Variants in SNX29 observed in about 807,000 individuals in gnomAD.
The protein encoded by SNX29 is sorting nexin-29.
In SNX29, 78 loss-of-function variants were observed where a neutral mutation model predicts 102.1. That is an observed-to-expected ratio of 0.76 (90% CI 0.64 to 0.92). SNX29 has a LOEUF of 0.92. SNX29 is among the 40% of genes least tolerant of loss of function. The pLI is 0.00. For missense variants in SNX29, 1,280 were observed against 1,061.7 expected (o/e 1.21, Z -2.86); for synonymous variants, 580 against 414.5 (o/e 1.40, Z -4.85).
intron 14 of SNX29, among the ~76,000 whole-genome samples, chr16:12,255,310 C>T (rs972867879): frequency 1.3e-5 from 2 of 152,134 alleles, no homozygotes; most frequent in Non-Finnish European, 2.9e-5. Context: ...ATTCTCCTGC[C>T]TCAGCCTCCC....
At chr16:12,187,027 G>A (rs954476102) in intron 13 of SNX29, among the ~76,000 whole-genome samples, 1 of 152,198 alleles carries the variant, frequency 6.6e-6, no homozygotes, top group African/African-American at 2.4e-5. Context: ...GTCAATCACT[G>A]GTTAAAGACC....
chr16:12,214,350 A>G lies in SNX29; in HGVS notation c.1678+14667A>G, dbSNP rs144050079. On this transcript the variant is annotated intron_variant, in intron 14 of 20. Transcript: ENST00000566228. Reference sequence around the variant, plus strand: ...GTCATTAACTTTTTGGGGCTGTCTCAGCATTGTGTTTATTGGTGTAGTTTG... The same window carrying G: ...GTCATTAACTTTTTGGGGCTGTCTCGGCATTGTGTTTATTGGTGTAGTTTG... 5.9e-5 allele frequency among the ~76,000 whole-genome samples: 9 copies of G among 152,316 alleles called. No individual in the cohort carries two copies. The East Asian group carries it at 9.6e-4, about 16-fold the overall frequency.
Position 12,568,892 on chromosome 16 carries a change from CTGCAAGGG to C in SNX29, c.*264_*271del. 2.0e-6 allele frequency: 1 copy of C among 511,650 alleles called. No individual in the cohort carries two copies. Among genetic ancestry groups the C allele is most frequent in the Non-Finnish European group, 3.4e-6 (1 of 294,874 alleles). The allele number at this position is 511,650 out of a possible 1,614,324, so 31.7% of individuals were successfully genotyped here. ...TTCTGCTTCTGGGGTCTACCCTGGG[CTGCAAGGG>C]CTGTTCCTCCACCTTTCTGTAGTTC... On this transcript the variant is annotated 3_prime_UTR_variant, in exon 21 of 21. Transcript: ENST00000566228.
At chr16:12,182,957 A>AG (rs1429363822) in intron 13 of SNX29, among the ~76,000 whole-genome samples, 2 of 149,990 alleles carry the variant, frequency 1.3e-5, no homozygotes, top group East Asian at 3.9e-4. Context: ...AAAAAAAAAA[A>AG]GGACATCATG....
At chr16:12,545,059 C>T (rs987738137) in intron 20 of SNX29, among the ~76,000 whole-genome samples, 2 of 152,166 alleles carry the variant, frequency 1.3e-5, no homozygotes, top group Non-Finnish European at 2.9e-5. Context: ...GCTCCTGTAG[C>T]ATAGCCACGA....
intron 4 of SNX29, among the ~76,000 whole-genome samples, chr16:12,029,197 A>C (rs891407548): frequency 6.6e-6 from 1 of 151,368 alleles, no homozygotes; most frequent in African/African-American, 2.4e-5. Flanking sequence ...TTATTTCACC[A>C]GTTACTCATT....
intron 15 of SNX29, among the ~76,000 whole-genome samples, chr16:12,279,180 T>G (rs2079351278): frequency 6.6e-6 from 1 of 152,118 alleles, no homozygotes; most frequent in African/African-American, 2.4e-5. Context: ...TCTTCTACAG[T>G]GAGTTTTATT....
chr16:12,233,112 T>C (rs2077819716), intron 14 of SNX29, among the ~76,000 whole-genome samples: 1 of 151,896 alleles, frequency 6.6e-6, no homozygotes, highest in African/African-American at 2.4e-5. Context: ...TGTCTTTGTC[T>C]TCCTCCTCCT....
At chr16:12,488,923 G>A (rs2088393660) in intron 19 of SNX29, among the ~76,000 whole-genome samples, 4 of 152,132 alleles carry the variant, frequency 2.6e-5, no homozygotes, top group Admixed American at 2.6e-4. Flanking sequence ...CATTGGTTTT[G>A]TGATTGAATG....
intron 19 of SNX29, among the ~76,000 whole-genome samples, chr16:12,486,574 G>A (rs1426553210): frequency 1.3e-5 from 2 of 152,250 alleles, no homozygotes; most frequent in Non-Finnish European, 2.9e-5. Flanking sequence ...GGCCCAGGCA[G>A]GTGATCTGCC....
At chr16:12,397,947 T>C (rs184245848) in intron 16 of SNX29, among the ~76,000 whole-genome samples, 57 of 152,278 alleles carry the variant, frequency 3.7e-4, no homozygotes, top group African/African-American at 1.3e-3. Context: ...ATGTGGCCCT[T>C]CTGAGTCAGG....
At chr16:12,557,269 G>A (rs900789694) in intron 20 of SNX29, 1 of 152,308 alleles carries the variant, frequency 6.6e-6, no homozygotes, top group South Asian at 2.1e-4. Flanking sequence ...TAAGTGGGGA[G>A]TGCAGGCAGA....
At chr16:12,564,687 G>A (rs886280358) in intron 20 of SNX29, among the ~76,000 whole-genome samples, 26 of 152,142 alleles carry the variant, frequency 1.7e-4, no homozygotes, top group African/African-American at 6.0e-4. Flanking sequence ...TTCCTCTGTT[G>A]CTTAGGCCCC....
chr16:12,144,368 GT>G (rs1234529763), intron 13 of SNX29, among the ~76,000 whole-genome samples: 1 of 152,176 alleles, frequency 6.6e-6, no homozygotes, highest in Non-Finnish European at 1.5e-5. Context: ...CAACATGTAG[GT>G]TTGTGCTATG....
intron 20 of SNX29, among the ~76,000 whole-genome samples, chr16:12,525,426 A>T (rs2076752801): frequency 6.6e-6 from 1 of 152,136 alleles, no homozygotes; most frequent in South Asian, 2.1e-4. Context: ...TAATCCCAGC[A>T]CTCTGGGAGG....
intron 15 of SNX29, among the ~76,000 whole-genome samples, chr16:12,322,353 A>G (rs1490576242): frequency 2.0e-5 from 3 of 152,004 alleles, no homozygotes; most frequent in Non-Finnish European, 4.4e-5. Context: ...CAGGGAGGGG[A>G]CCCTGGACTC....
rs577104495 is a variant in SNX29 at position 12,380,164 on chromosome 16, G to C, written c.1900-18282G>C. The stretch of plus-strand genomic sequence containing the variant: ...CAGGAAGAGTCCTTAGCTGACCTAA[G>C]GGCTGATCAGAATGACCTTGGTCTC... On this transcript the variant is annotated intron_variant, in intron 16 of 20. Transcript: ENST00000566228. Among the ~76,000 whole-genome samples the C allele has an allele frequency of 3.3e-5, 5 of 152,064 alleles. No individual in the cohort carries two copies. The South Asian group carries it at 1.0e-3, about 32-fold the overall frequency.
intron 15 of SNX29, among the ~76,000 whole-genome samples, chr16:12,295,262 G>GGCA (rs1367635795): frequency 2.0e-5 from 3 of 152,216 alleles, no homozygotes; most frequent in African/African-American, 7.2e-5. Context: ...TAGGATGACA[G>GGCA]GCAGCGGGGT....
intron 7 of SNX29, among the ~76,000 whole-genome samples, 183 bp from the exon 8 acceptor site, chr16:12,051,664 G>A (rs191190707): frequency 1.8e-4 from 27 of 152,342 alleles, no homozygotes; most frequent in African/African-American, 2.4e-4. Context: ...AGAGGCCTGC[G>A]TCCATTCTGC....
Sources: gnomAD v4.1 joint callset for allele counts (sites outside exome capture counted in the v4.1 genomes callset) on GRCh38, gnomAD v4.1.1 for gene constraint, MANE v1.5 for transcripts, NCBI Gene and HGNC (gene_info 2026-07-23, HGNC 2026-07-21) for gene names.